The following TATDN3 variants were observed in gnomAD, a reference collection of about 807,000 sequenced individuals.
The protein encoded by TATDN3 is deoxyribonuclease TATDN3.
Under a neutral mutation model 40.1 loss-of-function variants are expected in TATDN3, and 29 were observed. The ratio of observed to expected loss-of-function variants is 0.72; its 90% CI spans 0.54 to 0.99. The LOEUF (loss-of-function observed/expected upper bound fraction) is 0.99, where lower values mean the gene tolerates loss of function less well. Among genes scored for constraint, TATDN3 ranks in the 50% least tolerant of loss-of-function variants. The probability of loss-of-function intolerance (pLI) is 0.00; values close to 1 mark genes in which losing one functional copy is unlikely to be tolerated. For synonymous variants in TATDN3, 105 were observed against 117.0 expected, an observed-to-expected ratio of 0.90 and a Z score of 0.66; for missense variants, 309 against 321.9, an observed-to-expected ratio of 0.96 and a Z score of 0.31.
intron 4 of TATDN3, among the ~76,000 whole-genome samples, chr1:212,798,550 A>C (rs1189313104): frequency 6.6e-6 from 1 of 151,436 alleles, no homozygotes; most frequent in African/African-American, 2.4e-5. Flanking sequence ...AAAAAAAAAA[A>C]AAAAAAAAGA....
rs746396334 is a variant in TATDN3, at chr1:212,797,099, T to C, written c.174-13T>C. 1.2e-6 allele frequency: 2 copies of C among 1,610,538 alleles called. No homozygotes were observed. The highest frequency in any genetic ancestry group is 2.2e-5 in the East Asian group (1 of 44,866). ...TACTGTTCCTGCTTTCTCAGTTGGTTCTACATTTTTAGGTATAATGGGTTT... is the reference window on the plus strand; with the variant it reads ...TACTGTTCCTGCTTTCTCAGTTGGTCCTACATTTTTAGGTATAATGGGTTT... On this transcript the variant is annotated splice_polypyrimidine_tract_variant and intron_variant, in intron 3 of 9. Transcript: ENST00000366974.
chr1:212,803,811 T>C (rs1029011002), intron 5 of TATDN3, among the ~76,000 whole-genome samples: 7 of 151,642 alleles, frequency 4.6e-5, no homozygotes, highest in African/African-American at 1.7e-4. Flanking sequence ...TAAGGCGGGC[T>C]GATCACTTGA....
chr1:212,795,896 T>C (rs1661725874), intron 2 of TATDN3, among the ~76,000 whole-genome samples: 1 of 152,188 alleles, frequency 6.6e-6, no homozygotes, highest in Non-Finnish European at 1.5e-5. Flanking sequence ...CAAAGACACA[T>C]GCTAGTGAAC....
intron 5 of TATDN3, among the ~76,000 whole-genome samples, chr1:212,803,032 T>C (rs1176568253): frequency 6.6e-6 from 1 of 152,138 alleles, no homozygotes; most frequent in Non-Finnish European, 1.5e-5. Context: ...TGCTTAAATA[T>C]GGGTCCTTGC....
chr1:212,796,551 A>G lies in TATDN3; in HGVS notation c.134A>G (p.His45Arg), dbSNP rs779826722. The stretch of plus-strand genomic sequence containing the variant: ...GTGGCCCTTGTGGCAGTTGCCGAAC[A>G]TTCAGGAGAATTTGAAAAGATTATG... ...NVVALVAVAE[H>R]SGEFEKIMQL... is the part of the protein sequence containing the mutation. Residue 45 changes from histidine (H) to arginine (R), a missense_variant, in exon 3 of 10, where the codon CAT becomes CGT. By Grantham distance (29) the His-to-Arg change is conservative (BLOSUM62 0). Transcript: ENST00000366974. 1.3e-6 allele frequency: 2 copies of G among 1,563,872 alleles called. No homozygotes were observed. Among genetic ancestry groups the G allele is most frequent in the African/African-American group, 1.4e-5 (1 of 72,204 alleles).
In TATDN3 at chr1:212,807,937, T is replaced by A; in HGVS notation, c.600+89T>A. 3 of 793,504 alleles carry A rather than the reference T, an allele frequency of 3.8e-6. No homozygotes were observed. The South Asian group carries it at 5.6e-5, about 15-fold the overall frequency. 49.2% of individuals were successfully genotyped at this position (793,504 alleles called of 1,614,324 possible). On this transcript the variant is annotated intron_variant, in intron 8 of 9. Coordinates refer to ENST00000366974, the MANE Select transcript of TATDN3 (RefSeq NM_001042552.3). ...TTCCATACTTGTGATACTATTCTAG[T>A]TACATTACAAAAATTAATCTTAGGT...
intron 8 of TATDN3, among the ~76,000 whole-genome samples, chr1:212,808,868 CAT>C (rs1046512161): frequency 6.6e-6 from 1 of 152,174 alleles, no homozygotes; most frequent in African/African-American, 2.4e-5. Context: ...GAGATTAAAA[CAT>C]ATGTCCACAC....
At chr1:212,795,470 C>T (rs188311703) in intron 2 of TATDN3, among the ~76,000 whole-genome samples, 4 of 152,152 alleles carry the variant, frequency 2.6e-5, no homozygotes, top group African/African-American at 9.6e-5. Context: ...AGGGTTTCAC[C>T]ATGTTGGCCA....
rs183778761 is a variant in TATDN3 at position 212,793,331 on chromosome 1, G to A, written c.66+1344G>A. ...GGGCTCAAAAAATTCTCCTGTCTCA[G>A]CCTCCCAAGTAGCTGGGATCACAGG... On this transcript the variant is annotated intron_variant, in intron 1 of 9. Coordinates refer to ENST00000366974, the MANE Select transcript of TATDN3 (RefSeq NM_001042552.3). Among the ~76,000 whole-genome samples, 341 of 152,116 alleles carry A rather than the reference G, an allele frequency of 2.2e-3. 3 individuals are homozygous for A. The highest frequency in any genetic ancestry group is 8.0e-3 in the African/African-American group (334 of 41,510).
chr1:212,816,021 G>C lies in TATDN3; in HGVS notation c.*865G>C, dbSNP rs1053996400. 5 of 152,110 alleles carry C rather than the reference G, an allele frequency of 3.3e-5. No homozygotes were observed. The highest frequency in any genetic ancestry group is 9.7e-5 in the African/African-American group (4 of 41,422). The allele number at this position is 152,110 out of a possible 1,614,324, so 9.4% of individuals were successfully genotyped here. ...TAGATTTTTGACTTATGAGGCCAGT[G>C]GTTTAAACAATCATTATTGAATACC... On this transcript the variant is annotated 3_prime_UTR_variant, in exon 10 of 10. Transcript: ENST00000366974.
chr1:212,800,029 C>T (rs975330724), intron 4 of TATDN3, among the ~76,000 whole-genome samples: 2 of 152,144 alleles, frequency 1.3e-5, no homozygotes, highest in Admixed American at 6.5e-5. Context: ...TGCCTCATTG[C>T]ACCTTTACAG....
intron 1 of TATDN3, among the ~76,000 whole-genome samples, chr1:212,793,782 G>C (rs1349814749): frequency 6.6e-6 from 1 of 152,228 alleles, no homozygotes; most frequent in African/African-American, 2.4e-5. Context: ...TTGTGCTATA[G>C]GGAAGATGGT....
intron 2 of TATDN3, 97 bp downstream of exon 2, chr1:212,795,224 C>G: frequency 1.4e-6 from 1 of 694,312 alleles, no homozygotes. Flanking sequence ...CTTGATGTTT[C>G]AGTAGTTTAT....
intron 4 of TATDN3, among the ~76,000 whole-genome samples, chr1:212,798,313 G>A (rs1661927450): frequency 1.3e-5 from 2 of 151,310 alleles, no homozygotes; most frequent in Admixed American, 1.3e-4. Flanking sequence ...GTGACAGAGT[G>A]AGACTCCATC....
At position 212,803,866 on chromosome 1, in the gene TATDN3, T is replaced by C. The variant is rs186195587; in HGVS notation, c.322-454T>C. Among the ~76,000 whole-genome samples the C allele has an allele frequency of 2.1e-3, 323 of 152,098 alleles. 2 individuals carry two copies. Among genetic ancestry groups the C allele is most frequent in the African/African-American group, 7.3e-3 (301 of 41,476 alleles). Reference sequence around the variant, plus strand: ...GCCTGACCAACATGGTAAAACCTTGTCTCTACTAAAAACACAAAAATTAGC... The same window carrying C: ...GCCTGACCAACATGGTAAAACCTTGCCTCTACTAAAAACACAAAAATTAGC... On this transcript the variant is annotated intron_variant, in intron 5 of 9. Coordinates refer to ENST00000366974, the MANE Select transcript of TATDN3 (RefSeq NM_001042552.3).
chr1:212,806,012 C>T (rs1662442778), intron 7 of TATDN3, among the ~76,000 whole-genome samples: 1 of 152,100 alleles, frequency 6.6e-6, no homozygotes, highest in Non-Finnish European at 1.5e-5. Flanking sequence ...ATGTTCAGAA[C>T]CGTCTAATAG....
At chr1:212,800,915 C>T (rs1286289749) in intron 4 of TATDN3, among the ~76,000 whole-genome samples, 6 of 149,034 alleles carry the variant, frequency 4.0e-5, no homozygotes, top group Admixed American at 2.7e-4. Context: ...TTACAAAAAC[C>T]GTAATAGGGT....
rs567098024 is a variant in TATDN3, at chr1:212,801,569, C to G, written c.259-1132C>G. On this transcript the variant is annotated intron_variant, in intron 4 of 9. Transcript: ENST00000366974. ...TGATCTTCCTCCAACTGTGTAATTT[C>G]TGTGACTCAGGCTTTCTAAGTGTTA... Among the ~76,000 whole-genome samples, 6 of 152,234 alleles carry G rather than the reference C, an allele frequency of 3.9e-5. No individual in the cohort carries two copies. In the South Asian group the frequency reaches 1.2e-3, roughly 32 times the overall value.
intron 1 of TATDN3, 73 bp from the exon 2 acceptor site, chr1:212,795,022 A>G (rs954649357): frequency 1.3e-5 from 16 of 1,224,018 alleles, no homozygotes; most frequent in Non-Finnish European, 1.9e-5. Context: ...TGCCACAACT[A>G]CATTGACATA....
Sources: allele counts gnomAD v4.1 joint callset (sites outside exome capture counted in the v4.1 genomes callset), GRCh38; gene constraint gnomAD v4.1.1; transcripts MANE v1.5; gene names NCBI Gene and HGNC (gene_info 2026-07-23, HGNC 2026-07-21).